The following SDK1 variants were observed in gnomAD, a reference collection of about 807,000 sequenced individuals.
The protein encoded by SDK1 is protein sidekick-1.
SDK1 carries 157 observed loss-of-function variants against 245.5 expected under a neutral mutation model. The observed-to-expected ratio is 0.64, with a 90% CI of 0.56 to 0.73. SDK1 has a LOEUF of 0.73. Ranked by LOEUF, SDK1 falls within the 30% of genes least tolerant of loss-of-function variation. The probability of loss-of-function intolerance (pLI) is 0.00; values close to 1 mark genes in which losing one functional copy is unlikely to be tolerated. For synonymous variants in SDK1, 1,647 were observed against 1,278.5 expected, an observed-to-expected ratio of 1.29 and a Z score of -6.15; for missense variants, 3,583 against 3,002.3, an observed-to-expected ratio of 1.19 and a Z score of -4.52.
At chr7:3,393,228 TCC>T (rs575032140) in intron 1 of SDK1, among the ~76,000 whole-genome samples, 8 of 152,020 alleles carry the variant, frequency 5.3e-5, no homozygotes, top group Non-Finnish European at 1.2e-4. Context: ...TACCTCAGCC[TCC>T]CACAGTGCTG....
chr7:4,240,756 T>C (rs552369819), intron 42 of SDK1, among the ~76,000 whole-genome samples: 1 of 152,130 alleles, frequency 6.6e-6, no homozygotes, highest in East Asian at 1.9e-4. Flanking sequence ...GAAACAGAGG[T>C]CACTTTATGT....
rs11368318 is a variant in SDK1 at position 3,656,739 on chromosome 7, C to CT, written c.713+14653dup. Among the ~76,000 whole-genome samples the CT allele has an allele frequency of 9.1e-3, 1,142 of 125,484 alleles. 15 individuals carry two copies. Among genetic ancestry groups the CT allele is most frequent in the South Asian group, 0.024 (87 of 3,664 alleles). The allele number at this position is 125,484 out of a possible 152,430, so 82.3% of individuals were successfully genotyped here. ...TATCTCAGGGTGTTTTGGTGGAAAT[C>CT]TTTTTTTTTTTTTTTTTTTGAGACG... On this transcript the variant is annotated intron_variant, in intron 4 of 44. Coordinates refer to ENST00000404826, the MANE Select transcript of SDK1 (RefSeq NM_152744.4).
intron 1 of SDK1, among the ~76,000 whole-genome samples, chr7:3,448,531 C>A (rs1049327131): frequency 6.6e-6 from 1 of 151,898 alleles, no homozygotes; most frequent in African/African-American, 2.4e-5. Flanking sequence ...TTTAGGTTTT[C>A]CATCTTAGTT....
chr7:4,076,368 A>G (rs1780677930), intron 20 of SDK1, among the ~76,000 whole-genome samples: 1 of 152,198 alleles, frequency 6.6e-6, no homozygotes, highest in African/African-American at 2.4e-5. Context: ...AGCCTGGGCA[A>G]CAGGGGGAAA....
chr7:3,551,643 C>T (rs1022174311), intron 1 of SDK1, among the ~76,000 whole-genome samples: 2 of 151,824 alleles, frequency 1.3e-5, no homozygotes, highest in African/African-American at 4.8e-5. Context: ...TTAGTTTCCC[C>T]CTAAATTTAG....
intron 28 of SDK1, among the ~76,000 whole-genome samples, chr7:4,143,185 C>G (rs141161557): frequency 6.6e-6 from 1 of 152,132 alleles, no homozygotes; most frequent in East Asian, 1.9e-4. Flanking sequence ...AGCACCCTGT[C>G]CTGGAGCTGC....
chr7:3,869,345 G>A (rs1389140681), intron 5 of SDK1, among the ~76,000 whole-genome samples: 2 of 151,810 alleles, frequency 1.3e-5, no homozygotes, highest in African/African-American at 2.4e-5. Flanking sequence ...TAGTGGAGAC[G>A]GGGTTTCACC....
intron 28 of SDK1, among the ~76,000 whole-genome samples, chr7:4,139,420 T>G (rs1018696997): frequency 6.7e-6 from 1 of 150,290 alleles, no homozygotes; most frequent in Non-Finnish European, 1.5e-5. Flanking sequence ...TATATGTGTG[T>G]GTGTGTATGT....
chr7:3,675,464 C>T (rs1038745062), intron 4 of SDK1, among the ~76,000 whole-genome samples: 1 of 152,156 alleles, frequency 6.6e-6, no homozygotes, highest in Non-Finnish European at 1.5e-5. Flanking sequence ...TTCCAGTTTC[C>T]TGTTTCATTC....
At chr7:3,713,564 A>G (rs1439620730) in intron 4 of SDK1, among the ~76,000 whole-genome samples, 1 of 152,220 alleles carries the variant, frequency 6.6e-6, no homozygotes, top group Admixed American at 6.5e-5. Flanking sequence ...GGCCTGGTCT[A>G]GACTTCAGTA....
At chr7:3,973,948 G>A (rs934278599) in intron 12 of SDK1, among the ~76,000 whole-genome samples, 1 of 152,026 alleles carries the variant, frequency 6.6e-6, no homozygotes, top group East Asian at 1.9e-4. Flanking sequence ...TTGGGAGGCC[G>A]AGACGGGCAG....
intron 1 of SDK1, among the ~76,000 whole-genome samples, chr7:3,335,892 A>G (rs925800917): frequency 2.0e-5 from 3 of 152,188 alleles, no homozygotes; most frequent in African/African-American, 7.2e-5. Context: ...CCTGGACTTC[A>G]TATAACAAAG....
At chr7:4,197,652 G>T (rs567042001) in intron 35 of SDK1, among the ~76,000 whole-genome samples, 1 of 152,174 alleles carries the variant, frequency 6.6e-6, no homozygotes, top group Non-Finnish European at 1.5e-5. Context: ...TGGTGCTGGC[G>T]TCAGGCTCAC....
intron 5 of SDK1, among the ~76,000 whole-genome samples, chr7:3,900,059 G>A (rs564450816): frequency 9.2e-5 from 14 of 152,268 alleles, no homozygotes; most frequent in Non-Finnish European, 1.5e-4. Flanking sequence ...TAACAAATAC[G>A]AACATTTTAA....
chr7:4,068,074 G>A (rs888391261), intron 20 of SDK1, 138 bp downstream of exon 20: 9 of 641,294 alleles, frequency 1.4e-5, no homozygotes, highest in African/African-American at 1.3e-4. Flanking sequence ...AAGTCTTCCT[G>A]GCCGTGTGGC....
chr7:4,098,999 C>G (rs1228911155), intron 22 of SDK1, among the ~76,000 whole-genome samples: 10 of 151,816 alleles, frequency 6.6e-5, no homozygotes, highest in Non-Finnish European at 1.0e-4. Context: ...TTTTGGTACA[C>G]ATGAGAGTCG....
chr7:3,537,459 G>C lies in SDK1; in HGVS notation c.299-81621G>C, dbSNP rs143237319. Among the ~76,000 whole-genome samples, 480 of 152,286 alleles carry C rather than the reference G, an allele frequency of 3.2e-3. 1 individual carries two copies. The highest frequency in any genetic ancestry group is 0.011 in the African/African-American group (464 of 41,542). Reference sequence around the variant, plus strand: ...CCCCGACTGGAAATCCGCTTGCTGGGGAGGGTTAGGTTGGACTGTAAATCA... The same window carrying C: ...CCCCGACTGGAAATCCGCTTGCTGGCGAGGGTTAGGTTGGACTGTAAATCA... On this transcript the variant is annotated intron_variant, in intron 1 of 44. Coordinates refer to ENST00000404826, the MANE Select transcript of SDK1 (RefSeq NM_152744.4).
At chr7:3,780,214 T>A (rs1780690042) in intron 4 of SDK1, among the ~76,000 whole-genome samples, 1 of 152,204 alleles carries the variant, frequency 6.6e-6, no homozygotes. Context: ...GTTGGCACAG[T>A]GCCAGACTGA....
chr7:3,929,066 C>T (rs750984189), intron 5 of SDK1, among the ~76,000 whole-genome samples: 1 of 152,246 alleles, frequency 6.6e-6, no homozygotes, highest in Non-Finnish European at 1.5e-5. Context: ...CCCATGTCAA[C>T]TCTAGATGGA....
Sources: gnomAD v4.1 joint callset for allele counts (sites outside exome capture counted in the v4.1 genomes callset) on GRCh38, gnomAD v4.1.1 for gene constraint, MANE v1.5 for transcripts, NCBI Gene and HGNC (gene_info 2026-07-23, HGNC 2026-07-21) for gene names.